Variants in MORN5 observed in about 807,000 individuals in gnomAD.
The protein encoded by MORN5 is MORN repeat-containing protein 5.
A neutral mutation model predicts 22.1 loss-of-function variants in MORN5; 21 were observed. The ratio of observed to expected loss-of-function variants is 0.95; its 90% confidence interval spans 0.67 to 1.37. The LOEUF is 1.37. Among genes scored for constraint, MORN5 ranks in the 40% most tolerant of loss-of-function variants. The pLI, the probability that MORN5 is intolerant of heterozygous loss-of-function variation, is 0.00. For missense variants in MORN5, 211 were observed against 215.1 expected (o/e 0.98, Z 0.12); for synonymous variants, 73 against 74.0 (o/e 0.99, Z 0.07).
intron 1 of MORN5, chr9:122,164,505 G>A (rs540905421): frequency 7.5e-6 from 7 of 935,038 alleles, no homozygotes; most frequent in Non-Finnish European, 8.9e-6. Context: ...CCCAGCTCCT[G>A]GCCTTGAACC....
At chr9:122,174,836 T>C (rs952842306) in intron 4 of MORN5, 15 of 1,397,550 alleles carry the variant, frequency 1.1e-5, no homozygotes, top group Non-Finnish European at 1.4e-5. Context: ...AGCACATTCG[T>C]GGTCTAGCAG....
intron 4 of MORN5, among the ~76,000 whole-genome samples, chr9:122,181,716 A>C (rs1018521568): frequency 1.3e-5 from 2 of 152,190 alleles, no homozygotes; most frequent in African/African-American, 4.8e-5. Flanking sequence ...TCTACCACTG[A>C]CCAGCTCTGT....
intron 1 of MORN5, 86 bp downstream of exon 1, chr9:122,160,105 T>G: frequency 1.6e-6 from 2 of 1,261,294 alleles, no homozygotes; most frequent in Non-Finnish European, 2.2e-6. Flanking sequence ...AAACACCTTG[T>G]GCCAGGCACT....
intron 2 of MORN5, among the ~76,000 whole-genome samples, chr9:122,168,455 T>G (rs1464088986): frequency 2.6e-5 from 4 of 152,218 alleles, no homozygotes; most frequent in African/African-American, 9.6e-5. Flanking sequence ...TAAGAGCATC[T>G]TGGGGCCTGA....
At position 122,174,635 on chromosome 9, in the gene MORN5, T is replaced by G. The variant is rs185622996; in HGVS notation, c.439+8T>G. The G allele has an allele frequency of 1.1e-5, 17 of 1,614,138 alleles. No homozygotes were observed. Among genetic ancestry groups the G allele is most frequent in the Middle Eastern group, 1.6e-4 (1 of 6,062 alleles). On this transcript the variant is annotated splice_region_variant and intron_variant, in intron 4 of 4. Coordinates refer to ENST00000373764, the MANE Select transcript of MORN5 (RefSeq NM_198469.4). ...GCTTTCTAAGAAACGCAGGTAGGTT[T>G]CTTCCGACACTGCAGCACGTTTTCT...
In MORN5 at chr9:122,169,718, G is replaced by A. The variant is rs776366991; in HGVS notation, c.269G>A (p.Arg90Lys). ...CATTACTGCGACGGCTATGATCGGAGGTTTTACACAGAGATCCTCAATGGC... is the reference window on the plus strand; with the variant it reads ...CATTACTGCGACGGCTATGATCGGAAGTTTTACACAGAGATCCTCAATGGC... ...NWHYCDGYDR[R>K]FYTEILNGLK... The change falls in exon 3 of 5, where the codon AGG (arginine) becomes AAG (lysine). Residue 90 changes from arginine to lysine, a missense_variant. By Grantham distance (26) the Arg-to-Lys change is conservative (BLOSUM62 2). Transcript: ENST00000373764. 4 of 1,614,080 alleles carry A rather than the reference G, an allele frequency of 2.5e-6. No individual in the cohort carries two copies. Among genetic ancestry groups the A allele is most frequent in the Non-Finnish European group, 2.5e-6 (3 of 1,179,968 alleles).
At chr9:122,193,351 C>T (rs1401213614) in intron 4 of MORN5, among the ~76,000 whole-genome samples, 1 of 152,216 alleles carries the variant, frequency 6.6e-6, no homozygotes, top group Non-Finnish European at 1.5e-5. Context: ...CTGTGGGAAG[C>T]CAAGGCGGGT....
intron 2 of MORN5, among the ~76,000 whole-genome samples, chr9:122,168,671 T>C (rs952531667): frequency 6.6e-6 from 1 of 152,204 alleles, no homozygotes; most frequent in Non-Finnish European, 1.5e-5. Flanking sequence ...AGGCAGAATG[T>C]ATGTGTTTGG....
chr9:122,182,785 T>G (rs1829556121), intron 4 of MORN5, among the ~76,000 whole-genome samples: 1 of 152,142 alleles, frequency 6.6e-6, no homozygotes, highest in South Asian at 2.1e-4. Context: ...CCTCGCATGG[T>G]CTTCCCTGCC....
chr9:122,175,069 A>C (rs1296195431), intron 4 of MORN5, among the ~76,000 whole-genome samples: 1 of 152,228 alleles, frequency 6.6e-6, no homozygotes, highest in East Asian at 1.9e-4. Context: ...AACACAATGA[A>C]GGGAAAAACA....
intron 4 of MORN5, among the ~76,000 whole-genome samples, chr9:122,182,066 G>T (rs1338615249): frequency 6.6e-6 from 1 of 152,198 alleles, no homozygotes; most frequent in African/African-American, 2.4e-5. Flanking sequence ...AAAATGAGGT[G>T]CTGCTGAAAC....
chr9:122,194,654 A>G (rs1829845290), intron 4 of MORN5, among the ~76,000 whole-genome samples: 1 of 152,212 alleles, frequency 6.6e-6, no homozygotes, highest in Admixed American at 6.5e-5. Flanking sequence ...TGCTGGGTCT[A>G]GTGGTCAACA....
chr9:122,199,343 G>A (rs950807499), intron 4 of MORN5, among the ~76,000 whole-genome samples: 4 of 152,178 alleles, frequency 2.6e-5, no homozygotes, highest in African/African-American at 7.2e-5. Flanking sequence ...GAGACACTGC[G>A]TTTAGGGCTT....
chr9:122,185,902 C>G (rs758056229), intron 4 of MORN5, among the ~76,000 whole-genome samples: 25 of 152,264 alleles, frequency 1.6e-4, no homozygotes, highest in African/African-American at 6.0e-4. Flanking sequence ...GCAAAATGGC[C>G]GAGTGAGACT....
chr9:122,187,138 G>A (rs980573393), intron 4 of MORN5, among the ~76,000 whole-genome samples: 1 of 152,226 alleles, frequency 6.6e-6, no homozygotes, highest in Non-Finnish European at 1.5e-5. Flanking sequence ...AACAGCGGCT[G>A]GCCCTAAAGA....
At chr9:122,173,397 G>C (rs1829394496) in intron 3 of MORN5, among the ~76,000 whole-genome samples, 1 of 152,202 alleles carries the variant, frequency 6.6e-6, no homozygotes. Context: ...GCTTGACATG[G>C]AGTAAGTGCT....
At chr9:122,161,275 G>A (rs1440671761) in intron 1 of MORN5, among the ~76,000 whole-genome samples, 3 of 152,200 alleles carry the variant, frequency 2.0e-5, no homozygotes, top group African/African-American at 7.2e-5. Flanking sequence ...TCTGGACAGG[G>A]ATAGGAGATA....
intron 4 of MORN5, among the ~76,000 whole-genome samples, chr9:122,196,678 G>A (rs1829900075): frequency 6.6e-6 from 1 of 152,176 alleles, no homozygotes; most frequent in Non-Finnish European, 1.5e-5. Flanking sequence ...ATACCCATTA[G>A]TGAAAGAAGA....
At chr9:122,188,110 G>A (rs964496337) in intron 4 of MORN5, among the ~76,000 whole-genome samples, 1 of 152,204 alleles carries the variant, frequency 6.6e-6, no homozygotes, top group African/African-American at 2.4e-5. Flanking sequence ...GGCATTCAAG[G>A]CAGAGGGACC....
Sources: gnomAD v4.1 joint callset for allele counts (sites outside exome capture counted in the v4.1 genomes callset) on GRCh38, gnomAD v4.1.1 for gene constraint, MANE v1.5 for transcripts, NCBI Gene and HGNC (gene_info 2026-07-23, HGNC 2026-07-21) for gene names.